CACNB2: variants seen among roughly 807,000 people sequenced by gnomAD.
CACNB2 encodes the protein voltage-dependent L-type calcium channel subunit beta-2.
In CACNB2, 42 loss-of-function variants were observed where a neutral mutation model predicts 73.3. The ratio of observed to expected loss-of-function variants is 0.57; its 90% confidence interval spans 0.45 to 0.74. The LOEUF (loss-of-function observed/expected upper bound fraction) is 0.74, where lower values mean the gene tolerates loss of function less well. Among genes scored for constraint, CACNB2 ranks in the 30% least tolerant of loss-of-function variants. CACNB2 has a pLI of 0.00. For synonymous variants in CACNB2, 348 were observed against 310.3 expected (o/e 1.12, Z -1.28); for missense variants, 940 against 853.0 (o/e 1.10, Z -1.27).
chr10:18,205,798 C>T (rs2035065169), intron 2 of CACNB2, among the ~76,000 whole-genome samples: 1 of 152,118 alleles, frequency 6.6e-6, no homozygotes, highest in African/African-American at 2.4e-5. Flanking sequence ...AACCTAACTC[C>T]TCCAGTGATT....
intron 9 of CACNB2, among the ~76,000 whole-genome samples, chr10:18,525,662 C>A (rs148396601): frequency 6.6e-6 from 1 of 152,076 alleles, no homozygotes; most frequent in African/African-American, 2.4e-5. Context: ...TTCAGAAAAT[C>A]AGATCCTTAA....
chr10:18,237,110 T>C (rs1290459019), intron 2 of CACNB2, among the ~76,000 whole-genome samples: 1 of 152,136 alleles, frequency 6.6e-6, no homozygotes, highest in Non-Finnish European at 1.5e-5. Flanking sequence ...TGGTCAGTGT[T>C]ATTGTAGGGT....
At chr10:18,302,511 C>G (rs2039564456) in intron 2 of CACNB2, among the ~76,000 whole-genome samples, 1 of 152,150 alleles carries the variant, frequency 6.6e-6, no homozygotes, top group African/African-American at 2.4e-5. Context: ...GAATACTACT[C>G]AGACATAAAA....
chr10:18,328,996 C>A (rs2132001295), intron 2 of CACNB2, among the ~76,000 whole-genome samples: 1 of 152,320 alleles, frequency 6.6e-6, no homozygotes, highest in African/African-American at 2.4e-5. Flanking sequence ...TCAGACTACA[C>A]TTGGAGAACC....
intron 2 of CACNB2, among the ~76,000 whole-genome samples, chr10:18,211,127 G>A (rs552938798): frequency 6.6e-6 from 1 of 152,152 alleles, no homozygotes; most frequent in African/African-American, 2.4e-5. Flanking sequence ...AAACAGACTT[G>A]GAGGCGGAGG....
At chr10:18,431,300 C>T (rs1425988516) in intron 3 of CACNB2, among the ~76,000 whole-genome samples, 1 of 152,096 alleles carries the variant, frequency 6.6e-6, no homozygotes. Context: ...TTTTATAATA[C>T]TTAAAACAAC....
At chr10:18,324,031 C>T (rs910290096) in intron 2 of CACNB2, among the ~76,000 whole-genome samples, 1 of 152,172 alleles carries the variant, frequency 6.6e-6, no homozygotes, top group Admixed American at 6.5e-5. Context: ...CCATTTTAAA[C>T]ATCTAACTGA....
At chr10:18,405,997 G>C (rs965861806) in intron 3 of CACNB2, among the ~76,000 whole-genome samples, 1 of 152,050 alleles carries the variant, frequency 6.6e-6, no homozygotes, top group Non-Finnish European at 1.5e-5. Context: ...GACTCAATGT[G>C]ATCTTCTTAG....
chr10:18,212,383 G>A (rs2035353313), intron 2 of CACNB2, among the ~76,000 whole-genome samples: 1 of 151,908 alleles, frequency 6.6e-6, no homozygotes, highest in Non-Finnish European at 1.5e-5. Flanking sequence ...TTTTTATATT[G>A]ATTTGTAGAA....
chr10:18,340,834 C>G, intron 2 of CACNB2: 4 of 1,612,824 alleles, frequency 2.5e-6, no homozygotes, highest in Non-Finnish European at 3.4e-6. Flanking sequence ...TTCAGCAAAG[C>G]AAGACTTGGC....
intron 3 of CACNB2, among the ~76,000 whole-genome samples, chr10:18,455,213 C>T (rs1305582509): frequency 6.6e-6 from 1 of 152,168 alleles, no homozygotes; most frequent in Non-Finnish European, 1.5e-5. Flanking sequence ...AAATGCACAG[C>T]AGTCATTGCA....
At chr10:18,416,537 C>G (rs2044975749) in intron 3 of CACNB2, among the ~76,000 whole-genome samples, 1 of 152,248 alleles carries the variant, frequency 6.6e-6, no homozygotes, top group South Asian at 2.1e-4. Context: ...CTGCCTCAGC[C>G]TCCTGAGTAG....
At chr10:18,536,900 C>T (rs529608172) in intron 12 of CACNB2, among the ~76,000 whole-genome samples, 3 of 152,298 alleles carry the variant, frequency 2.0e-5, no homozygotes, top group South Asian at 4.1e-4. Flanking sequence ...TTCACATGGT[C>T]TCAAATCAAT....
intron 2 of CACNB2, among the ~76,000 whole-genome samples, chr10:18,153,235 T>G (rs2031753250): frequency 6.6e-6 from 1 of 152,168 alleles, no homozygotes; most frequent in Non-Finnish European, 1.5e-5. Context: ...ACAGGTCTGT[T>G]TCCTAGAATA....
At chr10:18,390,995 A>C (rs1292911827) in intron 2 of CACNB2, among the ~76,000 whole-genome samples, 2 of 152,248 alleles carry the variant, frequency 1.3e-5, no homozygotes, top group Non-Finnish European at 2.9e-5. Flanking sequence ...TGGGAAAAGA[A>C]GCTTCACAAA....
intron 5 of CACNB2, among the ~76,000 whole-genome samples, chr10:18,502,845 C>T (rs1384732531): frequency 6.6e-6 from 1 of 151,626 alleles, no homozygotes; most frequent in Non-Finnish European, 1.5e-5. Context: ...TCAGAAAAAC[C>T]ACCTCCTGGG....
At position 18,347,344 on chromosome 10, in the gene CACNB2, A is replaced by ATTTTT. The variant is rs201654242; in HGVS notation, c.214-54555_214-54551dup. Among the ~76,000 whole-genome samples, 163 of 120,782 alleles carry ATTTTT rather than the reference A, an allele frequency of 1.3e-3. 3 individuals are homozygous for ATTTTT. The highest frequency in any genetic ancestry group is 2.7e-3 in the East Asian group (8 of 2,944). 79.2% of individuals were successfully genotyped at this position (120,782 alleles called of 152,430 possible). ...AGGCGCATGCCGCCATGCCCGTCTAATTTTTTTTTTTTTTTTTTTTTTTTT... is the reference window on the plus strand; with the variant it reads ...AGGCGCATGCCGCCATGCCCGTCTAATTTTTTTTTTTTTTTTTTTTTTTTTTTTTT... On this transcript the variant is annotated intron_variant, in intron 2 of 13. Transcript: ENST00000324631.
intron 2 of CACNB2, among the ~76,000 whole-genome samples, chr10:18,309,869 A>G (rs2039890750): frequency 6.6e-6 from 1 of 152,236 alleles, no homozygotes; most frequent in Admixed American, 6.5e-5. Flanking sequence ...ACCTGCACAT[A>G]ATAAAAAGAC....
intron 5 of CACNB2, among the ~76,000 whole-genome samples, chr10:18,503,462 G>A (rs541654130): frequency 6.6e-6 from 1 of 152,196 alleles, no homozygotes; most frequent in African/African-American, 2.4e-5. Context: ...TGGGTGTGGT[G>A]GTGCACACCT....
Sources: gnomAD v4.1 joint callset for allele counts (sites outside exome capture counted in the v4.1 genomes callset) on GRCh38, gnomAD v4.1.1 for gene constraint, MANE v1.5 for transcripts, NCBI Gene and HGNC (gene_info 2026-07-23, HGNC 2026-07-21) for gene names.